FOXN3: variants seen among roughly 807,000 people sequenced by gnomAD.
FOXN3 encodes the protein forkhead box protein N3.
Under a neutral mutation model 38.4 loss-of-function variants are expected in FOXN3, and 7 were observed. That is an observed-to-expected ratio of 0.18 (90% CI 0.10 to 0.34). FOXN3 has a LOEUF of 0.34. Among genes scored for constraint, FOXN3 ranks in the 10% least tolerant of loss-of-function variants. The pLI is 1.00. For missense variants in FOXN3, 456 were observed against 613.4 expected (o/e 0.74, Z 2.71); for synonymous variants, 230 against 242.2 (o/e 0.95, Z 0.47).
rs1891758545 is a variant in FOXN3, at chr14:89,417,011, G to C, written c.-155C>G. 6.9e-6 allele frequency: 1 copy of C among 145,184 alleles called. No individual in the cohort carries two copies. Among genetic ancestry groups the C allele is most frequent in the Non-Finnish European group, 1.5e-5 (1 of 65,398 alleles). The allele number at this position is 145,184 out of a possible 1,614,324, so 9.0% of individuals were successfully genotyped here. A position where few individuals can be genotyped will look rare whatever the true frequency, so the allele number is the denominator to read the frequency against. On this transcript the variant is annotated 5_prime_UTR_variant, in exon 1 of 6. Coordinates refer to ENST00000557258, the MANE Select transcript of FOXN3 (RefSeq NM_005197.4). Reference sequence around the variant, plus strand: ...CGCGGCGCGGCGAGCCCGGGGCGGCGGGCGGCGGGGGGCGGCCGCGGGCGC... The same window carrying C: ...CGCGGCGCGGCGAGCCCGGGGCGGCCGGCGGCGGGGGGCGGCCGCGGGCGC...
chr14:89,547,785 G>A (rs946881663), intron 1 of FOXN3, among the ~76,000 whole-genome samples: 3 of 152,202 alleles, frequency 2.0e-5, no homozygotes, highest in African/African-American at 7.2e-5. Context: ...TGGTGTGAAT[G>A]TTTGTTGAAT....
At chr14:89,609,359 C>T (rs1035636520) in intron 1 of FOXN3, among the ~76,000 whole-genome samples, 4 of 152,128 alleles carry the variant, frequency 2.6e-5, no homozygotes, top group African/African-American at 9.7e-5. Flanking sequence ...CACACCACCA[C>T]GCCCGGCTAA....
intron 2 of FOXN3, among the ~76,000 whole-genome samples, chr14:89,386,129 C>T (rs569682547): frequency 2.0e-5 from 3 of 152,276 alleles, no homozygotes; most frequent in South Asian, 2.1e-4. Context: ...AGGATGCACA[C>T]GGGGGAGCTC....
At chr14:89,389,715 G>A (rs1890883761) in intron 2 of FOXN3, among the ~76,000 whole-genome samples, 1 of 152,092 alleles carries the variant, frequency 6.6e-6, no homozygotes, top group African/African-American at 2.4e-5. Context: ...ATGTGTAGGT[G>A]GCCAAATTCA....
intron 3 of FOXN3, among the ~76,000 whole-genome samples, chr14:89,320,104 G>A (rs1436327630): frequency 6.6e-6 from 1 of 152,124 alleles, no homozygotes; most frequent in East Asian, 1.9e-4. Flanking sequence ...GCCGGGAAGG[G>A]GAAGATAGAG....
chr14:89,594,566 T>A (rs955941607), intron 1 of FOXN3, among the ~76,000 whole-genome samples: 1 of 152,242 alleles, frequency 6.6e-6, no homozygotes, highest in African/African-American at 2.4e-5. Flanking sequence ...GGCTATTTTG[T>A]TTTTCTTGAA....
chr14:89,283,045 C>T (rs1359409542), intron 3 of FOXN3, among the ~76,000 whole-genome samples: 1 of 152,168 alleles, frequency 6.6e-6, no homozygotes, highest in Non-Finnish European at 1.5e-5. Flanking sequence ...TCTTTCCTGG[C>T]CCCTGTTGTA....
chr14:89,314,101 A>T (rs1010816654), intron 3 of FOXN3, among the ~76,000 whole-genome samples: 1 of 152,178 alleles, frequency 6.6e-6, no homozygotes, highest in Non-Finnish European at 1.5e-5. Flanking sequence ...TTAAAAGTAC[A>T]TTTTACATTA....
chr14:89,331,020 A>G (rs1888232461), intron 3 of FOXN3, among the ~76,000 whole-genome samples: 2 of 152,206 alleles, frequency 1.3e-5, no homozygotes, highest in Admixed American at 1.3e-4. Flanking sequence ...TTGCGCCTAG[A>G]TTCATTTTGG....
intron 4 of FOXN3, among the ~76,000 whole-genome samples, chr14:89,206,694 G>A (rs571318409): frequency 6.6e-6 from 1 of 152,280 alleles, no homozygotes; most frequent in Admixed American, 6.5e-5. Context: ...TACAGCTAGT[G>A]TTATACAAGC....
chr14:89,213,715 G>A (rs1884174487), intron 4 of FOXN3, among the ~76,000 whole-genome samples: 1 of 152,230 alleles, frequency 6.6e-6, no homozygotes, highest in Non-Finnish European at 1.5e-5. Context: ...AAATACTGAA[G>A]AGAGGTAATA....
chr14:89,577,084 C>T (rs956393714), intron 1 of FOXN3: 2 of 152,206 alleles, frequency 1.3e-5, no homozygotes, highest in Non-Finnish European at 2.9e-5. Context: ...GGGAAACCTA[C>T]ATTTACTCAC....
intron 2 of FOXN3, among the ~76,000 whole-genome samples, chr14:89,354,857 AAAATAAATAAAT>A (rs574717535): frequency 1.3e-5 from 2 of 151,778 alleles, no homozygotes; most frequent in African/African-American, 4.8e-5. Flanking sequence ...TCCGTCTCAA[AAAATAAATAAAT>A]AAATAAATAA....
rs35623770 is a variant in FOXN3 at position 89,374,263 on chromosome 14, CAAAAAAAAAAAAAAA to C, written c.544-23470_544-23456del. Among the ~76,000 whole-genome samples, 144 of 48,190 alleles carry C rather than the reference CAAAAAAAAAAAAAAA, an allele frequency of 3.0e-3. 3 individuals carry two copies. The East Asian group carries it at 0.094, about 31-fold the overall frequency. The allele number at this position is 48,190 out of a possible 152,430, so 31.6% of individuals were successfully genotyped here. A position where few individuals can be genotyped will look rare whatever the true frequency, so the allele number is the denominator to read the frequency against. On this transcript the variant is annotated intron_variant, in intron 2 of 5. Transcript: ENST00000557258. ...AGGGCAACAGAGTGAGACCTTGTCT[CAAAAAAAAAAAAAAA>C]AAAAAAAAAAAAGAAGGAAGGAAAG...
chr14:89,438,662 G>T lies in FOXN3; in HGVS notation c.-14-26172C>A, dbSNP rs541814277. Among the ~76,000 whole-genome samples the T allele has an allele frequency of 7.9e-5, 12 of 152,220 alleles. No individual in the cohort carries two copies. In the South Asian group the frequency reaches 2.5e-3, roughly 32 times the overall value. On this transcript the variant is annotated intron_variant, in intron 1 of 6. Coordinates refer to the FOXN3 transcript ENST00000345097. ...ATCATATTTTATTTTTCTGCATTTT[G>T]TGATGTAAGGTTGTCAGTTTCTTAA...
Position 89,164,501 on chromosome 14 carries a change from C to T in FOXN3, c.852-1532G>A, listed in dbSNP as rs1030990982. Among the ~76,000 whole-genome samples, 3 of 152,176 alleles carry T rather than the reference C, an allele frequency of 2.0e-5. No individual in the cohort carries two copies. The highest frequency in any genetic ancestry group is 2.4e-5 in the African/African-American group (1 of 41,422). On this transcript the variant is annotated intron_variant, in intron 5 of 5. Coordinates refer to ENST00000557258, the MANE Select transcript of FOXN3 (RefSeq NM_005197.4). This position sits in a 1 kb window ranked among gnomAD's most constrained non-coding sequence, Gnocchi z 4.3. ...TACATCCCCTCCATAGAGGGCACTC[C>T]CCACCATCATTATGAACTGTGTGGT... is the stretch of plus-strand genomic sequence containing the variant.
At chr14:89,372,459 C>T (rs17125784) in intron 2 of FOXN3, among the ~76,000 whole-genome samples, 5,491 of 152,244 alleles carry the variant, frequency 0.036, 360 homozygotes, top group African/African-American at 0.12. Context: ...GTCAGTGAGG[C>T]TTCCAATTTG....
intron 4 of FOXN3, among the ~76,000 whole-genome samples, chr14:89,199,396 T>C (rs998111497): frequency 6.6e-6 from 1 of 152,150 alleles, no homozygotes; most frequent in Non-Finnish European, 1.5e-5. Flanking sequence ...AGGATGGAAG[T>C]TGGAGACGGA....
intron 3 of FOXN3, among the ~76,000 whole-genome samples, chr14:89,311,982 C>T (rs118165193): frequency 0.02 from 3,075 of 151,832 alleles, 41 homozygotes; most frequent in South Asian, 0.041. Context: ...TGCAAAGAAC[C>T]ATCAAAAATG....
Sources: allele counts gnomAD v4.1 joint callset (sites outside exome capture counted in the v4.1 genomes callset), GRCh38; gene constraint gnomAD v4.1.1; non-coding constraint Gnocchi (gnomAD v3.1); transcripts MANE v1.5; gene names NCBI Gene and HGNC (gene_info 2026-07-23, HGNC 2026-07-21).